PID1: variants seen among roughly 807,000 people sequenced by gnomAD.
The protein encoded by PID1 is phosphotyrosine interaction domain containing 1.
In PID1, 10 loss-of-function variants were observed where a neutral mutation model predicts 19.1. The ratio of observed to expected loss-of-function variants is 0.52; its 90% CI spans 0.32 to 0.89. The LOEUF is 0.89. Among genes scored for constraint, PID1 ranks in the 40% least tolerant of loss-of-function variants. The probability of loss-of-function intolerance (pLI) is 0.03; values close to 1 mark genes in which losing one functional copy is unlikely to be tolerated. For synonymous variants in PID1, 130 were observed against 116.0 expected, an observed-to-expected ratio of 1.12 and a Z score of -0.78; for missense variants, 248 against 285.3, an observed-to-expected ratio of 0.87 and a Z score of 0.94.
chr2:229,189,028 T>A (rs573475978), intron 1 of PID1, among the ~76,000 whole-genome samples: 10 of 152,188 alleles, frequency 6.6e-5, no homozygotes, highest in African/African-American at 2.4e-4. Flanking sequence ...CTGAAAAAAA[T>A]TGAACTTCTT....
chr2:229,026,419 T>C (rs537867963), intron 2 of PID1, among the ~76,000 whole-genome samples: 6 of 152,378 alleles, frequency 3.9e-5, no homozygotes, highest in African/African-American at 1.2e-4. Context: ...ATCTTTTACA[T>C]AATTTGGCAT....
At chr2:229,146,169 A>G (rs1342531463) in intron 2 of PID1, among the ~76,000 whole-genome samples, 1 of 152,098 alleles carries the variant, frequency 6.6e-6, no homozygotes, top group Non-Finnish European at 1.5e-5. Context: ...TATCCAGTCT[A>G]TCATTGATGG....
intron 1 of PID1, among the ~76,000 whole-genome samples, chr2:229,164,157 C>G (rs1690552335): frequency 6.6e-6 from 1 of 152,142 alleles, no homozygotes; most frequent in Admixed American, 6.5e-5. Context: ...ATACTAAACA[C>G]CATTTGCTAT....
chr2:229,243,869 C>T (rs1300641879), intron 1 of PID1, among the ~76,000 whole-genome samples: 1 of 152,130 alleles, frequency 6.6e-6, no homozygotes, highest in Non-Finnish European at 1.5e-5. Context: ...TAGTAACTCT[C>T]AGCTTTTCCT....
chr2:229,035,223 T>C (rs1693637335), intron 2 of PID1, among the ~76,000 whole-genome samples: 1 of 152,146 alleles, frequency 6.6e-6, no homozygotes, highest in African/African-American at 2.4e-5. Context: ...CTTCATAATG[T>C]AGGTAGGTCT....
Position 229,210,173 on chromosome 2 carries a change from G to A in PID1, c.31-54209C>T, listed in dbSNP as rs1053628789. Among the ~76,000 whole-genome samples, 23 of 151,532 alleles carry A rather than the reference G, an allele frequency of 1.5e-4. No homozygotes were observed. The East Asian group carries it at 1.7e-3, about 12-fold the overall frequency. ...AAAAAAAAGTAAAATATGTAAAGGA[G>A]GGGGAGGATCCATTCCAAACAGGAA... On this transcript the variant is annotated intron_variant, in intron 1 of 2. Transcript: ENST00000392055.
intron 1 of PID1, among the ~76,000 whole-genome samples, chr2:229,159,988 G>T (rs1402781088): frequency 6.6e-6 from 1 of 152,128 alleles, no homozygotes; most frequent in Non-Finnish European, 1.5e-5. Flanking sequence ...AGAAATTGGG[G>T]CCAACAGAGG....
chr2:229,233,490 ATTTT>A (rs56199529), intron 1 of PID1, among the ~76,000 whole-genome samples: 113,267 of 142,020 alleles, frequency 0.8, 45,129 homozygotes, highest in East Asian at 0.9. Flanking sequence ...AGTGTGCTAG[ATTTT>A]TTTTTTTTTT....
chr2:229,232,965 CT>C (rs1277874927), intron 1 of PID1, among the ~76,000 whole-genome samples: 1 of 151,954 alleles, frequency 6.6e-6, no homozygotes, highest in African/African-American at 2.4e-5. Context: ...CTCAAGTCTG[CT>C]TTTCCATATC....
At chr2:229,225,010 G>A (rs1692048587) in intron 1 of PID1, among the ~76,000 whole-genome samples, 1 of 152,088 alleles carries the variant, frequency 6.6e-6, no homozygotes, top group Non-Finnish European at 1.5e-5. Context: ...GAAATGTCAG[G>A]CAGGGGTATT....
At chr2:229,202,395 T>C (rs762743167) in intron 1 of PID1, among the ~76,000 whole-genome samples, 1 of 152,076 alleles carries the variant, frequency 6.6e-6, no homozygotes, top group East Asian at 1.9e-4. Flanking sequence ...GATAACATCA[T>C]TATTTTATTT....
chr2:229,065,603 C>T (rs1480082902), intron 2 of PID1, among the ~76,000 whole-genome samples: 1 of 149,588 alleles, frequency 6.7e-6, no homozygotes, highest in Non-Finnish European at 1.5e-5. Flanking sequence ...ACAATTAAAA[C>T]CATAAGGGAG....
intron 1 of PID1, among the ~76,000 whole-genome samples, chr2:229,263,817 C>G (rs1179642120): frequency 6.6e-6 from 1 of 152,198 alleles, no homozygotes; most frequent in South Asian, 2.1e-4. Context: ...ACCCTACAAC[C>G]AGTCTGCTGG....
rs558787122 is a variant in PID1, at chr2:229,100,192, T to C, written c.177+55626A>G. ...ACTGTGAGACACAAATTTCTATTGTTTAAGCCGCTCCATCTATGGAATTTG... is the reference window on the plus strand; with the variant it reads ...ACTGTGAGACACAAATTTCTATTGTCTAAGCCGCTCCATCTATGGAATTTG... On this transcript the variant is annotated intron_variant, in intron 2 of 2. Transcript: ENST00000392055. Among the ~76,000 whole-genome samples, 15 of 152,330 alleles carry C rather than the reference T, an allele frequency of 9.8e-5. No homozygotes were observed. The South Asian group carries it at 2.9e-3, about 29-fold the overall frequency.
chr2:229,048,646 C>A (rs1693931205), intron 2 of PID1, among the ~76,000 whole-genome samples: 1 of 152,092 alleles, frequency 6.6e-6, no homozygotes, highest in Admixed American at 6.6e-5. Flanking sequence ...GGGTAGAAGT[C>A]AAAAGGAAGG....
intron 1 of PID1, among the ~76,000 whole-genome samples, chr2:229,191,717 A>C (rs1691264003): frequency 6.6e-6 from 1 of 152,228 alleles, no homozygotes; most frequent in Non-Finnish European, 1.5e-5. Context: ...AGCACTCTTA[A>C]ATTGGATTAA....
At chr2:229,128,787 A>G (rs1045426763) in intron 2 of PID1, among the ~76,000 whole-genome samples, 5 of 152,226 alleles carry the variant, frequency 3.3e-5, no homozygotes, top group African/African-American at 1.2e-4. Flanking sequence ...GAATAAATTA[A>G]TGGGTAAAAA....
intron 2 of PID1, among the ~76,000 whole-genome samples, chr2:229,041,949 A>G (rs1175994843): frequency 6.6e-6 from 1 of 152,230 alleles, no homozygotes; most frequent in Admixed American, 6.5e-5. Context: ...GCACTCATTT[A>G]CTTTTAGTTT....
At chr2:229,120,108 AT>A (rs1695487617) in intron 2 of PID1, among the ~76,000 whole-genome samples, 1 of 151,982 alleles carries the variant, frequency 6.6e-6, no homozygotes, top group Admixed American at 6.6e-5. Flanking sequence ...CTTATAATAA[AT>A]TTTTTTTCTA....
Sources: gnomAD v4.1 joint callset for allele counts (sites outside exome capture counted in the v4.1 genomes callset) on GRCh38, gnomAD v4.1.1 for gene constraint, MANE v1.5 for transcripts, NCBI Gene and HGNC (gene_info 2026-07-23, HGNC 2026-07-21) for gene names.